Variants in ZFPM2 observed in about 807,000 individuals in gnomAD.
The protein encoded by ZFPM2 is zinc finger protein, FOG family member 2.
ZFPM2 carries 20 observed loss-of-function variants against 98.6 expected under a neutral mutation model. The observed-to-expected ratio is 0.20, with a 90% CI of 0.14 to 0.29. ZFPM2 has a LOEUF of 0.29. Among genes scored for constraint, ZFPM2 ranks in the 10% least tolerant of loss-of-function variants. The pLI is 1.00. For missense variants in ZFPM2, 1,310 were observed against 1,388.6 expected (o/e 0.94, Z 0.90); for synonymous variants, 518 against 502.7 (o/e 1.03, Z -0.41).
chr8:105,785,330 C>CACACA (rs113148681), intron 5 of ZFPM2: 13,685 of 151,890 alleles, frequency 0.09, 2,080 homozygotes, highest in African/African-American at 0.31. Context: ...ACACAACACA[C>CACACA]ACACACGCAC....
chr8:105,552,908 C>G (rs561770666), intron 3 of ZFPM2, among the ~76,000 whole-genome samples: 1 of 150,644 alleles, frequency 6.6e-6, no homozygotes, highest in Non-Finnish European at 1.5e-5. Context: ...CCCCCGGGCT[C>G]AAGCAATCCT....
At chr8:105,708,498 C>T (rs543894282) in intron 5 of ZFPM2, among the ~76,000 whole-genome samples, 111 of 152,110 alleles carry the variant, frequency 7.3e-4, no homozygotes, top group African/African-American at 2.5e-3. Context: ...GGTGTGATCA[C>T]GGCTCACTGC....
In ZFPM2 at chr8:105,702,960, A is replaced by G. The variant is rs1811172882; in HGVS notation, c.532+68603A>G. On this transcript the variant is annotated intron_variant, in intron 5 of 7. Coordinates refer to ENST00000407775, the MANE Select transcript of ZFPM2 (RefSeq NM_012082.4). The stretch of plus-strand genomic sequence containing the variant: ...GTGTAATCTAATATTATCTAAAATA[A>G]TTATGCCAGTTCTGTAGCACTTCTC... 2.0e-5 allele frequency among the ~76,000 whole-genome samples: 3 copies of G among 152,312 alleles called. No individual in the cohort carries two copies. In the South Asian group the frequency reaches 6.2e-4, roughly 32 times the overall value.
intron 3 of ZFPM2, among the ~76,000 whole-genome samples, chr8:105,507,001 AAAAC>A (rs1387389645): frequency 4.6e-5 from 7 of 152,082 alleles, no homozygotes; most frequent in African/African-American, 1.7e-4. Flanking sequence ...AAAAAAAAAA[AAAAC>A]AAAAGAAAGT....
intron 3 of ZFPM2, among the ~76,000 whole-genome samples, chr8:105,560,075 G>A (rs919692404): frequency 4.6e-5 from 7 of 150,934 alleles, no homozygotes; most frequent in South Asian, 2.1e-4. Context: ...ACCTGATGGC[G>A]CTTTGCCTGT....
chr8:105,561,298 A>C, intron 3 of ZFPM2, 65 bp from the exon 4 acceptor site: 1 of 1,182,798 alleles, frequency 8.5e-7, no homozygotes, highest in Non-Finnish European at 1.2e-6. Context: ...CAAACACACA[A>C]AAAGAGGTGG....
intron 4 of ZFPM2, among the ~76,000 whole-genome samples, chr8:105,589,956 C>T (rs1321249927): frequency 2.0e-5 from 3 of 152,134 alleles, no homozygotes; most frequent in South Asian, 2.1e-4. Context: ...CTCCTGACCT[C>T]GTGATCTGCC....
intron 5 of ZFPM2, among the ~76,000 whole-genome samples, chr8:105,664,147 A>T (rs1817445175): frequency 6.6e-6 from 1 of 152,202 alleles, no homozygotes; most frequent in Admixed American, 6.5e-5. Context: ...TTGAAACTGT[A>T]TCGATGACTT....
intron 5 of ZFPM2, among the ~76,000 whole-genome samples, chr8:105,664,011 A>G (rs1817442967): frequency 6.6e-6 from 1 of 152,198 alleles, no homozygotes; most frequent in Admixed American, 6.5e-5. Flanking sequence ...GGAGATGAAG[A>G]AGATTTAGCC....
chr8:105,437,066 C>T (rs1812135222), intron 2 of ZFPM2, among the ~76,000 whole-genome samples: 1 of 151,908 alleles, frequency 6.6e-6, no homozygotes, highest in African/African-American at 2.4e-5. Context: ...TATTTGCATT[C>T]TTTCTTTAAG....
At position 105,373,307 on chromosome 8, in the gene ZFPM2, C is replaced by A. The variant is rs553959938; in HGVS notation, c.41-45837C>A. 3.9e-5 allele frequency among the ~76,000 whole-genome samples: 6 copies of A among 152,334 alleles called. No individual in the cohort carries two copies. The East Asian group carries it at 7.7e-4, about 20-fold the overall frequency. On this transcript the variant is annotated intron_variant, in intron 1 of 7. Coordinates refer to ENST00000407775, the MANE Select transcript of ZFPM2 (RefSeq NM_012082.4). ...TTTTCACAAGATTCTTCTTTCTCAGCAGGTACATCAAGAAATCATTTTGAG... is the reference window on the plus strand; with the variant it reads ...TTTTCACAAGATTCTTCTTTCTCAGAAGGTACATCAAGAAATCATTTTGAG...
chr8:105,631,179 T>C (rs4734123), intron 4 of ZFPM2, among the ~76,000 whole-genome samples: 26,718 of 152,122 alleles, frequency 0.18, 2,636 homozygotes, highest in South Asian at 0.25. Flanking sequence ...AGTACCCTTA[T>C]TCCATCTCCC....
intron 5 of ZFPM2, among the ~76,000 whole-genome samples, chr8:105,649,276 T>G (rs1367386319): frequency 2.6e-5 from 4 of 152,220 alleles, no homozygotes; most frequent in Non-Finnish European, 1.5e-5. Flanking sequence ...AAGGAGATTT[T>G]GGGCTGAGAC....
At chr8:105,744,210 CA>C (rs1812290661) in intron 5 of ZFPM2, among the ~76,000 whole-genome samples, 1 of 152,058 alleles carries the variant, frequency 6.6e-6, no homozygotes. Flanking sequence ...AACTCTTTAT[CA>C]TTCTTTTTAT....
chr8:105,433,710 C>T (rs983177902), intron 2 of ZFPM2, among the ~76,000 whole-genome samples: 13 of 152,080 alleles, frequency 8.5e-5, no homozygotes, highest in Admixed American at 2.6e-4. Context: ...TGGCATGAAC[C>T]CGGGAGGTGG....
chr8:105,408,369 G>C (rs1022584343), intron 1 of ZFPM2, among the ~76,000 whole-genome samples: 4 of 151,888 alleles, frequency 2.6e-5, no homozygotes, highest in African/African-American at 9.7e-5. Flanking sequence ...TAGCTTTATG[G>C]TGGTTTAATG....
At chr8:105,618,538 T>A (rs1563745237) in intron 4 of ZFPM2, among the ~76,000 whole-genome samples, 2 of 152,294 alleles carry the variant, frequency 1.3e-5, no homozygotes, top group East Asian at 1.9e-4. Context: ...CCAAAGTTCT[T>A]GTTTTACTGA....
At chr8:105,702,579 G>A (rs1011333665) in intron 5 of ZFPM2, among the ~76,000 whole-genome samples, 135 of 152,236 alleles carry the variant, frequency 8.9e-4, no homozygotes, top group African/African-American at 3.0e-3. Flanking sequence ...GTTCTTTAAC[G>A]GCAAACCAAA....
intron 5 of ZFPM2, among the ~76,000 whole-genome samples, chr8:105,651,346 TAATCCCAG>T (rs1817170674): frequency 6.6e-6 from 1 of 151,880 alleles, no homozygotes; most frequent in East Asian, 1.9e-4. Flanking sequence ...CGGGCACCTG[TAATCCCAG>T]CTACTTAGGA....
Sources: gnomAD v4.1 joint callset for allele counts (sites outside exome capture counted in the v4.1 genomes callset) on GRCh38, gnomAD v4.1.1 for gene constraint, MANE v1.5 for transcripts, NCBI Gene and HGNC (gene_info 2026-07-23, HGNC 2026-07-21) for gene names.